PAX3: variants seen among roughly 807,000 people sequenced by gnomAD.
PAX3 encodes the protein paired box 3, also known as paired box protein Pax-3.
PAX3 carries 14 observed loss-of-function variants against 51.6 expected under a neutral mutation model. The ratio of observed to expected loss-of-function variants is 0.27; its 90% CI spans 0.18 to 0.42. PAX3 has a LOEUF of 0.42. PAX3 is among the 10% of genes least tolerant of loss of function. The pLI, the probability that PAX3 is intolerant of heterozygous loss-of-function variation, is 1.00. For synonymous variants in PAX3, 280 were observed against 253.4 expected (o/e 1.11, Z -1.00); for missense variants, 540 against 642.8 (o/e 0.84, Z 1.73).
chr2:222,265,330 G>A (rs191583000), intron 4 of PAX3, among the ~76,000 whole-genome samples: 2 of 152,124 alleles, frequency 1.3e-5, no homozygotes, highest in East Asian at 1.9e-4. Context: ...CGCTTTCCCC[G>A]TAGTTCTGTT....
intron 4 of PAX3, among the ~76,000 whole-genome samples, chr2:222,275,599 T>C (rs559171403): frequency 1.1e-4 from 17 of 152,216 alleles, no homozygotes; most frequent in Non-Finnish European, 2.1e-4. Flanking sequence ...TTTGAAATAA[T>C]TTTCCTCCAC....
chr2:222,232,248 C>A lies in PAX3; in HGVS notation c.622G>T (p.Asp208Tyr). 6.2e-7 allele frequency: 1 copy of A among 1,613,900 alleles called. No individual in the cohort carries two copies. The highest frequency in any genetic ancestry group is 1.1e-5 in the South Asian group (1 of 91,060). The change falls in exon 5 of 9, where the codon GAC becomes TAC. Residue 208 changes from aspartate to tyrosine, a missense_variant. Asp to Tyr is a radical substitution (Grantham distance 160). This residue lies in a region of PAX3 where 427 missense variants were observed against 483.6 expected (regional missense o/e 0.88). Coordinates refer to ENST00000392070, the MANE Select transcript of PAX3 (RefSeq NM_181458.4). Reference protein sequence around the residue: ...APQSDEGSDIDSEPDLPLKRK... With the variant: ...APQSDEGSDIYSEPDLPLKRK... The stretch of plus-strand genomic sequence containing the variant: ...TTTAGTGGTAAATCTGGTTCAGAGT[C>A]AATATCAGAGCCTTCATCTGATTGG...
At chr2:222,278,901 C>G (rs147395790) in intron 4 of PAX3, among the ~76,000 whole-genome samples, 173 of 152,318 alleles carry the variant, frequency 1.1e-3, no homozygotes, top group African/African-American at 3.9e-3. Context: ...TCCATTTAAC[C>G]AGTTAAAGGC....
intron 4 of PAX3, among the ~76,000 whole-genome samples, chr2:222,284,272 A>C (rs1694748080): frequency 6.6e-6 from 1 of 152,222 alleles, no homozygotes; most frequent in African/African-American, 2.4e-5. Flanking sequence ...GAAAGACTAT[A>C]ACAGCATTTT....
chr2:222,269,823 T>G (rs1465263128), intron 4 of PAX3, among the ~76,000 whole-genome samples: 1 of 152,192 alleles, frequency 6.6e-6, no homozygotes, highest in African/African-American at 2.4e-5. Context: ...GTGATGACTT[T>G]AACATAGAAG....
At chr2:222,290,610 TACA>T (rs1256393285) in intron 4 of PAX3, among the ~76,000 whole-genome samples, 5 of 152,230 alleles carry the variant, frequency 3.3e-5, no homozygotes, top group Admixed American at 6.5e-5. Flanking sequence ...TCAAAGCTGC[TACA>T]ACAAGTCAGT....
chr2:222,279,946 C>T (rs1694575712), intron 4 of PAX3, among the ~76,000 whole-genome samples: 1 of 152,148 alleles, frequency 6.6e-6, no homozygotes, highest in South Asian at 2.1e-4. Flanking sequence ...CATGGTGGCT[C>T]ACACCTGTAA....
intron 4 of PAX3, among the ~76,000 whole-genome samples, chr2:222,291,087 G>C (rs1415922319): frequency 6.6e-6 from 1 of 152,192 alleles, no homozygotes; most frequent in Admixed American, 6.5e-5. Flanking sequence ...CTTTGGCGCA[G>C]AGCACAGGAG....
At chr2:222,283,741 C>A (rs896226265) in intron 4 of PAX3, among the ~76,000 whole-genome samples, 7 of 152,352 alleles carry the variant, frequency 4.6e-5, no homozygotes, top group Admixed American at 4.6e-4. Context: ...GGCCAAGGAG[C>A]TTCGGCTGCC....
chr2:222,213,945 T>C (rs1393023341), intron 7 of PAX3, among the ~76,000 whole-genome samples: 4 of 152,114 alleles, frequency 2.6e-5, no homozygotes, highest in African/African-American at 9.7e-5. Context: ...CTTTGACCTA[T>C]ATCAACAGCA....
intron 4 of PAX3, among the ~76,000 whole-genome samples, chr2:222,273,277 T>C (rs1265081643): frequency 6.6e-6 from 1 of 152,216 alleles, no homozygotes; most frequent in African/African-American, 2.4e-5. Context: ...GTGGCTTCAT[T>C]GTGACTCTTC....
intron 3 of PAX3, 108 bp from the exon 4 acceptor site, chr2:222,294,409 G>T: frequency 2.4e-6 from 3 of 1,240,878 alleles, no homozygotes; most frequent in Non-Finnish European, 3.5e-6. Context: ...CCCTAGAGCC[G>T]CTGCCCTGCA....
At chr2:222,231,296 C>T (rs1276116375) in intron 5 of PAX3, among the ~76,000 whole-genome samples, 3 of 152,132 alleles carry the variant, frequency 2.0e-5, no homozygotes, top group Non-Finnish European at 4.4e-5. Context: ...GTGAGGAGTT[C>T]GAGGATACCC....
chr2:222,287,280 T>C (rs1003384490), intron 4 of PAX3: 5 of 152,376 alleles, frequency 3.3e-5, no homozygotes, highest in Admixed American at 3.3e-4. Flanking sequence ...AAATAGGTAT[T>C]GAAGGTAAGA....
At chr2:222,212,408 A>G (rs1411706408) in intron 7 of PAX3, among the ~76,000 whole-genome samples, 1 of 152,134 alleles carries the variant, frequency 6.6e-6, no homozygotes, top group African/African-American at 2.4e-5. Context: ...ACGTTACCCC[A>G]TTATTCTGCA....
Position 222,199,969 on chromosome 2 carries a change from G to T in PAX3, c.*1439C>A, listed in dbSNP as rs1574616308. On this transcript the variant is annotated 3_prime_UTR_variant, in exon 9 of 9. Coordinates refer to ENST00000392070, the MANE Select transcript of PAX3 (RefSeq NM_181458.4). Reference sequence around the variant, plus strand: ...ATGAAAGACATTTTTACAACACATTGTTGTTGGTTGAGGCTGCAACACAAA... The same window carrying T: ...ATGAAAGACATTTTTACAACACATTTTTGTTGGTTGAGGCTGCAACACAAA... 6.2e-5 allele frequency: 12 copies of T among 193,252 alleles called. No homozygotes were observed. The East Asian group carries it at 9.8e-4, about 16-fold the overall frequency. 12.0% of individuals were successfully genotyped at this position (193,252 alleles called of 1,614,324 possible).
chr2:222,292,195 A>C (rs763777328), intron 4 of PAX3, among the ~76,000 whole-genome samples: 2 of 152,206 alleles, frequency 1.3e-5, no homozygotes, highest in Non-Finnish European at 2.9e-5. Context: ...CGCAGCAGCT[A>C]TTGGGGCTCA....
intron 4 of PAX3, among the ~76,000 whole-genome samples, chr2:222,254,436 G>A (rs1693559961): frequency 6.7e-6 from 1 of 149,628 alleles, no homozygotes; most frequent in Non-Finnish European, 1.5e-5. Context: ...TTACCCTAAG[G>A]GTCTGAAATT....
chr2:222,273,261 A>G (rs1694311668), intron 4 of PAX3, among the ~76,000 whole-genome samples: 1 of 152,218 alleles, frequency 6.6e-6, no homozygotes, highest in South Asian at 2.1e-4. Flanking sequence ...AGTATGGAAC[A>G]GGGTTGTGGC....
Sources: gnomAD v4.1 joint callset for allele counts (sites outside exome capture counted in the v4.1 genomes callset) on GRCh38, gnomAD v4.1.1 for gene constraint, gnomAD v4.1.1 regional missense constraint, MANE v1.5 for transcripts, NCBI Gene and HGNC (gene_info 2026-07-23, HGNC 2026-07-21) for gene names.